Variants in PKD1L1 observed in about 807,000 individuals in gnomAD.
PKD1L1 encodes the protein polycystin-1-like protein 1.
PKD1L1 carries 236 observed loss-of-function variants against 323.4 expected under a neutral mutation model. The ratio of observed to expected loss-of-function variants is 0.73; its 90% CI spans 0.66 to 0.81. The LOEUF (loss-of-function observed/expected upper bound fraction) is 0.81, where lower values mean the gene tolerates loss of function less well. PKD1L1 is among the 40% of genes least tolerant of loss of function. The pLI, the probability that PKD1L1 is intolerant of heterozygous loss-of-function variation, is 0.00. For synonymous variants in PKD1L1, 1,344 were observed against 1,335.0 expected (o/e 1.01, Z -0.15); for missense variants, 3,320 against 3,508.0 (o/e 0.95, Z 1.35).
chr7:47,798,567 C>G (rs1244415694), intron 54 of PKD1L1, among the ~76,000 whole-genome samples: 1 of 151,980 alleles, frequency 6.6e-6, no homozygotes, highest in Non-Finnish European at 1.5e-5. Flanking sequence ...ACCAGCCTTA[C>G]CAACATGACG....
chr7:47,959,389 C>T, the PKD1L1 span, among the ~76,000 whole-genome samples: 1 of 149,994 alleles, frequency 6.7e-6, no homozygotes, highest in African/African-American at 2.4e-5. Flanking sequence ...GCGCCTCTTC[C>T]CGGCCGCCAT....
rs1034605273 is a variant in PKD1L1 at position 47,904,294 on chromosome 7, A to G, written c.1931+84T>C. ...TACGTTGACTGACAGGCAGGTCTCT[A>G]TGTGGAACCCAAGGGCTGATGCCTT... On this transcript the variant is annotated intron_variant, in intron 12 of 56. Coordinates refer to ENST00000289672, the MANE Select transcript of PKD1L1 (RefSeq NM_138295.5). 3.5e-5 allele frequency: 55 copies of G among 1,571,046 alleles called. 1 individual carries two copies. In the Middle Eastern group the frequency reaches 1.6e-3, roughly 46 times the overall value.
intron 5 of PKD1L1, 130 bp downstream of exon 5, chr7:47,931,806 T>C: frequency 8.0e-7 from 1 of 1,254,568 alleles, no homozygotes; most frequent in Non-Finnish European, 1.1e-6. Context: ...TCCAAATGAC[T>C]TAGAAATGCA....
chr7:47,840,540 C>CA lies in PKD1L1; in HGVS notation c.5472dup (p.Gly1825TrpfsTer17). The CA allele has an allele frequency of 6.2e-7, 1 of 1,614,058 alleles. No individual in the cohort carries two copies. Among genetic ancestry groups the CA allele is most frequent in the Non-Finnish European group, 8.5e-7 (1 of 1,179,968 alleles). The stretch of plus-strand genomic sequence containing the variant: ...GAGAGCTCCTTGGTTTCTGACAGTC[C>CA]ATTGTCGCCACATAAAACAATGTAC... On this transcript the variant is annotated frameshift_variant, in exon 35 of 57. Coordinates refer to ENST00000289672, the MANE Select transcript of PKD1L1 (RefSeq NM_138295.5). LOFTEE classifies it high-confidence loss of function. The surrounding 1 kb of genome is among the most constrained non-coding windows in gnomAD (Gnocchi z 4.1).
chr7:47,839,796 A>T lies in PKD1L1; in HGVS notation c.5553-134T>A. On this transcript the variant is annotated intron_variant, in intron 35 of 56. Coordinates refer to ENST00000289672, the MANE Select transcript of PKD1L1 (RefSeq NM_138295.5). The surrounding 1 kb of genome is among the most constrained non-coding windows in gnomAD (Gnocchi z 4.3). ...ATGGGACATGTCAAAGGTGACTGAC[A>T]TGCAGAGTGACATGTGAAGCCCCCT... 1 of 867,686 alleles carries T rather than the reference A, an allele frequency of 1.2e-6. No homozygotes were observed. The highest frequency in any genetic ancestry group is 1.8e-6 in the Non-Finnish European group (1 of 566,584). The allele number at this position is 867,686 out of a possible 1,614,324, so 53.7% of individuals were successfully genotyped here.
At chr7:47,837,224 C>T in intron 36 of PKD1L1, 130 bp from the exon 37 acceptor site, 1 of 1,050,622 alleles carries the variant, frequency 9.5e-7, no homozygotes, top group Non-Finnish European at 1.4e-6. Context: ...AGCTGCTTAG[C>T]TGTGTACCAG....
At chr7:47,960,617 T>G in the PKD1L1 span, among the ~76,000 whole-genome samples, 1 of 151,170 alleles carries the variant, frequency 6.6e-6, no homozygotes, top group African/African-American at 2.4e-5. Context: ...GGTAGATTAT[T>G]TCAGATATGT....
intron 3 of PKD1L1, among the ~76,000 whole-genome samples, chr7:47,939,771 C>T (rs1333039265): frequency 6.6e-6 from 1 of 152,150 alleles, no homozygotes; most frequent in Non-Finnish European, 1.5e-5. Context: ...CTCCCACTCC[C>T]CACCTGGGGG....
chr7:47,809,410 T>C (rs1221477421), intron 51 of PKD1L1, 63 bp downstream of exon 51: 2 of 1,257,098 alleles, frequency 1.6e-6, no homozygotes, highest in Non-Finnish European at 2.2e-6. Flanking sequence ...ATTTAAATTA[T>C]TTTTTCAAGA....
At chr7:47,781,970 G>C (rs1786708606) in intron 56 of PKD1L1, among the ~76,000 whole-genome samples, 2 of 152,118 alleles carry the variant, frequency 1.3e-5, no homozygotes, top group Non-Finnish European at 2.9e-5. Context: ...GATGAGTTTG[G>C]CATATTTGTG....
intron 55 of PKD1L1, among the ~76,000 whole-genome samples, chr7:47,794,038 G>T (rs1001141645): frequency 4.6e-5 from 7 of 152,152 alleles, no homozygotes; most frequent in African/African-American, 1.7e-4. Flanking sequence ...AGGTGACTTG[G>T]GTGCTGTTAA....
At chr7:47,907,478 A>G (rs1787230182) in intron 9 of PKD1L1, among the ~76,000 whole-genome samples, 1 of 152,208 alleles carries the variant, frequency 6.6e-6, no homozygotes, top group Non-Finnish European at 1.5e-5. Flanking sequence ...ACTGACATGA[A>G]GCAAATACCT....
chr7:47,911,229 ACTCT>A (rs1392556578), intron 8 of PKD1L1, among the ~76,000 whole-genome samples: 15 of 151,708 alleles, frequency 9.9e-5, no homozygotes, highest in Non-Finnish European at 5.9e-5. Flanking sequence ...GTGGCATCTC[ACTCT>A]CTCTCATTTC....
intron 56 of PKD1L1, among the ~76,000 whole-genome samples, chr7:47,788,584 T>A (rs866207149): frequency 0.022 from 3,232 of 146,540 alleles, 69 homozygotes; most frequent in Non-Finnish European, 0.035. Flanking sequence ...TATATTTTTT[T>A]TTTTTAATTT....
rs753239445 is a variant in PKD1L1, at chr7:47,929,369, C to G, written c.895G>C (p.Glu299Gln). The G allele has an allele frequency of 5.6e-6, 9 of 1,614,072 alleles. No homozygotes were observed. The highest frequency in any genetic ancestry group is 1.6e-4 in the Middle Eastern group (1 of 6,084). ...TTTGGAGGTGCCCGAGCTTCCACTT[C>G]CAGGGAGCAATTAAGAACAGGGTTC... ...FMNPVLNCSL[E>Q]VEARAPPNLG... Residue 299 changes from glutamate (E) to glutamine (Q), a missense_variant, in exon 7 of 57, where the codon GAA becomes CAA. Coordinates refer to ENST00000289672, the MANE Select transcript of PKD1L1 (RefSeq NM_138295.5).
In PKD1L1 at chr7:47,890,621, T is replaced by A. The variant is rs768780235; in HGVS notation, c.2596A>T (p.Met866Leu). 1 of 1,614,064 alleles carries A rather than the reference T, an allele frequency of 6.2e-7. No homozygotes were observed. Among genetic ancestry groups the A allele is most frequent in the South Asian group, 1.1e-5 (1 of 91,066 alleles). ...CGGCCACCACTGGAGACCCTCAGCA[T>A]CACAAGGAACTGATCATAGCTGTCA... ...LSDSYDQFLV[M>L]LRVSSGGRNS... The change falls in exon 16 of 57, where the codon ATG becomes TTG. Residue 866 changes from methionine to leucine, a missense_variant. Coordinates refer to ENST00000289672, the MANE Select transcript of PKD1L1 (RefSeq NM_138295.5).
chr7:47,892,314 G>A (rs1786837605), intron 15 of PKD1L1, among the ~76,000 whole-genome samples: 1 of 152,182 alleles, frequency 6.6e-6, no homozygotes, highest in Non-Finnish European at 1.5e-5. Flanking sequence ...GCTGTAAAGA[G>A]CTGAGAGAGA....
rs555993624 is a variant in PKD1L1 at position 47,839,695 on chromosome 7, T to C, written c.5553-33A>G. 3.9e-6 allele frequency: 6 copies of C among 1,544,308 alleles called. No individual in the cohort carries two copies. In the African/African-American group the frequency reaches 8.2e-5, roughly 21 times the overall value. On this transcript the variant is annotated intron_variant, in intron 35 of 56. Transcript: ENST00000289672. This position sits in a 1 kb window ranked among gnomAD's most constrained non-coding sequence, Gnocchi z 4.3. Reference sequence around the variant, plus strand: ...CACACACAGCAGCATCTCAGCCGGGTGGGTGACAGTGTGGTCCTGGCATCC... The same window carrying C: ...CACACACAGCAGCATCTCAGCCGGGCGGGTGACAGTGTGGTCCTGGCATCC...
At chr7:47,837,202 T>A in intron 36 of PKD1L1, 108 bp from the exon 37 acceptor site, 2 of 1,278,638 alleles carry the variant, frequency 1.6e-6, no homozygotes, top group Admixed American at 2.0e-5. Context: ...AGCTTTCTGG[T>A]TCTTCCATCC....
Sources: gnomAD v4.1 joint callset for allele counts (sites outside exome capture counted in the v4.1 genomes callset) on GRCh38, gnomAD v4.1.1 for gene constraint, Gnocchi (gnomAD v3.1) non-coding constraint, MANE v1.5 for transcripts, NCBI Gene and HGNC (gene_info 2026-07-23, HGNC 2026-07-21) for gene names.